SYCP1: variants seen among roughly 807,000 people sequenced by gnomAD.
The protein encoded by SYCP1 is cancer/testis antigen 8.
SYCP1 carries 64 observed loss-of-function variants against 153.1 expected under a neutral mutation model. The observed-to-expected ratio is 0.42, with a 90% CI of 0.34 to 0.51. The LOEUF (loss-of-function observed/expected upper bound fraction) is 0.51, where lower values mean the gene tolerates loss of function less well. Among genes scored for constraint, SYCP1 ranks in the 20% least tolerant of loss-of-function variants. SYCP1 has a pLI of 0.06. For missense variants in SYCP1, 997 were observed against 1,049.0 expected (o/e 0.95, Z 0.68); for synonymous variants, 384 against 341.8 (o/e 1.12, Z -1.36).
intron 20 of SYCP1, among the ~76,000 whole-genome samples, chr1:114,914,936 C>T (rs1668420699): frequency 6.6e-6 from 1 of 152,052 alleles, no homozygotes; most frequent in African/African-American, 2.4e-5. Context: ...CACACATGCA[C>T]ACACACAGCA....
Position 114,913,107 on chromosome 1 carries a change from G to A in SYCP1, c.1604G>A (p.Ser535Asn), listed in dbSNP as rs760420564. 9 of 1,612,334 alleles carry A rather than the reference G, an allele frequency of 5.6e-6. No individual in the cohort carries two copies. In the South Asian group the frequency reaches 7.7e-5, roughly 14 times the overall value. ...AACAAAGAGCTCACACAGGAAACAA[G>A]TGATATGACCCTAGAACTCAAGAAT... ...LENKELTQET[S>N]DMTLELKNQQ... Residue 535 changes from serine (S) to asparagine (N), a missense_variant, in exon 19 of 32, where the codon AGT becomes AAT. Ser to Asn is a conservative substitution (Grantham distance 46). Coordinates refer to ENST00000369522, the MANE Select transcript of SYCP1 (RefSeq NM_003176.4).
chr1:114,961,034 G>A (rs2101883170), intron 27 of SYCP1, among the ~76,000 whole-genome samples: 1 of 152,290 alleles, frequency 6.6e-6, no homozygotes, highest in South Asian at 2.1e-4. Context: ...CTTGCTGCTT[G>A]TTATTGGTCT....
rs190762377 is a variant in SYCP1 at position 114,970,553 on chromosome 1, G to T, written c.2323-7004G>T. Among the ~76,000 whole-genome samples, 21 of 151,740 alleles carry T rather than the reference G, an allele frequency of 1.4e-4. No homozygotes were observed. The East Asian group carries it at 3.9e-3, about 28-fold the overall frequency. On this transcript the variant is annotated intron_variant, in intron 27 of 31. Transcript: ENST00000369522. ...TTTGGATAGACTATGTCAGAGGAAAGATCTGGGACTCAAGGGCTGCTGTTC... is the reference window on the plus strand; with the variant it reads ...TTTGGATAGACTATGTCAGAGGAAATATCTGGGACTCAAGGGCTGCTGTTC...
intron 16 of SYCP1, 58 bp from the exon 17 acceptor site, chr1:114,910,339 G>A: frequency 1.2e-5 from 15 of 1,230,900 alleles, no homozygotes; most frequent in Non-Finnish European, 1.7e-5. Flanking sequence ...TGGGCAGTTT[G>A]ATTACTTTCA....
At chr1:114,871,283 T>C (rs1198810232) in intron 8 of SYCP1, among the ~76,000 whole-genome samples, 2 of 152,076 alleles carry the variant, frequency 1.3e-5, no homozygotes, top group Non-Finnish European at 2.9e-5. Flanking sequence ...TTCTCGTGCT[T>C]CAGCCTCCTG....
intron 12 of SYCP1, among the ~76,000 whole-genome samples, chr1:114,882,563 T>C (rs1666026749): frequency 6.6e-6 from 1 of 152,194 alleles, no homozygotes; most frequent in Non-Finnish European, 1.5e-5. Context: ...CTTTTCTGAT[T>C]TTTTTATTTT....
In SYCP1 at chr1:114,908,326, T is replaced by A. The variant is rs139125030; in HGVS notation, c.1321-2071T>A. ...TCAAGATTTTCTCCCTAACTTTGATTTTCAGCAGTATGTAAGTGAAGTTGA... is the reference window on the plus strand; with the variant it reads ...TCAAGATTTTCTCCCTAACTTTGATATTCAGCAGTATGTAAGTGAAGTTGA... On this transcript the variant is annotated intron_variant, in intron 16 of 31. Transcript: ENST00000369522. Among the ~76,000 whole-genome samples, 1,099 of 152,274 alleles carry A rather than the reference T, an allele frequency of 7.2e-3. 9 individuals are homozygous for A. The highest frequency in any genetic ancestry group is 0.016 in the South Asian group (75 of 4,824).
intron 23 of SYCP1, among the ~76,000 whole-genome samples, chr1:114,931,396 A>T (rs557816971): frequency 2.0e-5 from 3 of 152,138 alleles, no homozygotes; most frequent in Non-Finnish European, 4.4e-5. Context: ...GTCACTGGAT[A>T]CAAGGTCAAT....
At chr1:114,857,556 A>T (rs372385605) in intron 5 of SYCP1, 59 bp downstream of exon 5, 105 of 1,202,720 alleles carry the variant, frequency 8.7e-5, no homozygotes, top group Non-Finnish European at 1.1e-4. Flanking sequence ...CTTATTACCT[A>T]TATGTATATT....
intron 22 of SYCP1, 63 bp from the exon 23 acceptor site, chr1:114,926,434 CTAAG>C (rs372263521): frequency 6.7e-6 from 10 of 1,486,636 alleles, no homozygotes; most frequent in African/African-American, 4.3e-5. Context: ...TAATTTAAGT[CTAAG>C]TCAGTAGCAA....
intron 30 of SYCP1, among the ~76,000 whole-genome samples, chr1:114,988,349 GC>G (rs1417126960): frequency 6.6e-6 from 1 of 151,792 alleles, no homozygotes; most frequent in Non-Finnish European, 1.5e-5. Context: ...ACTCCAAAAA[GC>G]CCCCATCAAG....
rs146048713 is a variant in SYCP1 at position 114,985,234 on chromosome 1, C to T, written c.2703+366C>T. Among the ~76,000 whole-genome samples the T allele has an allele frequency of 1.3e-3, 199 of 151,912 alleles. 2 individuals are homozygous for T. The highest frequency in any genetic ancestry group is 4.0e-3 in the African/African-American group (167 of 41,516). ...TACTGTGCCAAATCTGTTATTTAGGCGTCCCCTCTATTTTGCATATTATAC... is the reference window on the plus strand; with the variant it reads ...TACTGTGCCAAATCTGTTATTTAGGTGTCCCCTCTATTTTGCATATTATAC... On this transcript the variant is annotated intron_variant, in intron 30 of 31. Coordinates refer to ENST00000369522, the MANE Select transcript of SYCP1 (RefSeq NM_003176.4).
At chr1:114,948,335 A>C (rs1670881030) in intron 27 of SYCP1, among the ~76,000 whole-genome samples, 1 of 152,078 alleles carries the variant, frequency 6.6e-6, no homozygotes, top group Admixed American at 6.5e-5. Context: ...TATTATCTTT[A>C]CTTTGACAGA....
intron 8 of SYCP1, among the ~76,000 whole-genome samples, chr1:114,872,812 C>T (rs1007785952): frequency 6.6e-6 from 1 of 151,978 alleles, no homozygotes; most frequent in African/African-American, 2.4e-5. Flanking sequence ...CTAATAAGCC[C>T]CTCATTTCTT....
intron 8 of SYCP1, among the ~76,000 whole-genome samples, chr1:114,872,013 T>TC (rs1439323307): frequency 6.7e-6 from 1 of 150,276 alleles, no homozygotes; most frequent in Admixed American, 6.6e-5. Flanking sequence ...TTTCTTTTTT[T>TC]TTTTTTTTGG....
intron 9 of SYCP1, among the ~76,000 whole-genome samples, chr1:114,875,518 C>G (rs1244644119): frequency 6.6e-6 from 1 of 152,080 alleles, no homozygotes; most frequent in East Asian, 1.9e-4. Context: ...CTCGGCCTCC[C>G]AAAGTTCTGG....
chr1:114,942,803 A>G (rs577190205), intron 23 of SYCP1, among the ~76,000 whole-genome samples: 7 of 152,098 alleles, frequency 4.6e-5, no homozygotes, highest in African/African-American at 1.4e-4. Context: ...AAACACAACC[A>G]TATTTGAAAA....
intron 20 of SYCP1, 75 bp downstream of exon 20, chr1:114,914,120 T>A: frequency 8.7e-7 from 1 of 1,143,048 alleles, no homozygotes. Context: ...TTGTTATCAT[T>A]AATTTAAATT....
intron 20 of SYCP1, among the ~76,000 whole-genome samples, chr1:114,914,621 C>T (rs1425594019): frequency 6.6e-6 from 1 of 152,122 alleles, no homozygotes; most frequent in Non-Finnish European, 1.5e-5. Context: ...ACAGTGTGCA[C>T]AGATATGCAG....
Sources: gnomAD v4.1 joint callset for allele counts (sites outside exome capture counted in the v4.1 genomes callset) on GRCh38, gnomAD v4.1.1 for gene constraint, MANE v1.5 for transcripts, NCBI Gene and HGNC (gene_info 2026-07-23, HGNC 2026-07-21) for gene names.